Variants in EHD3 observed in about 807,000 individuals in gnomAD.
The protein encoded by EHD3 is EH domain containing 3.
A neutral mutation model predicts 43.0 loss-of-function variants in EHD3; 17 were observed. The observed-to-expected ratio is 0.40, with a 90% confidence interval of 0.27 to 0.59. The LOEUF is 0.59. Among genes scored for constraint, EHD3 ranks in the 20% least tolerant of loss-of-function variants. The pLI is 0.49. For synonymous variants in EHD3, 313 were observed against 289.5 expected, an observed-to-expected ratio of 1.08 and a Z score of -0.82; for missense variants, 594 against 705.6, an observed-to-expected ratio of 0.84 and a Z score of 1.79.
At chr2:31,243,008 G>A (rs1572462992) in intron 1 of EHD3, among the ~76,000 whole-genome samples, 1 of 152,154 alleles carries the variant, frequency 6.6e-6, no homozygotes, top group South Asian at 2.1e-4. Context: ...CAGGCACAAT[G>A]CCTCACACCT....
At chr2:31,251,638 T>G (rs562517024) in intron 3 of EHD3, among the ~76,000 whole-genome samples, 301 of 152,234 alleles carry the variant, frequency 2.0e-3, no homozygotes, top group African/African-American at 6.9e-3. Flanking sequence ...AAGGGGGTCT[T>G]GGAAGACTTG....
At chr2:31,241,132 G>A (rs188555410) in intron 1 of EHD3, among the ~76,000 whole-genome samples, 22 of 152,334 alleles carry the variant, frequency 1.4e-4, no homozygotes, top group African/African-American at 5.1e-4. Context: ...CCCCACAGCT[G>A]ATATTTACAG....
intron 1 of EHD3, among the ~76,000 whole-genome samples, chr2:31,235,406 A>G (rs1683305367): frequency 6.6e-6 from 1 of 151,994 alleles, no homozygotes; most frequent in Non-Finnish European, 1.5e-5. Flanking sequence ...TCCTGTGTAT[A>G]TATCTTGGAG....
chr2:31,260,089 T>C lies in EHD3; in HGVS notation c.503-421T>C, dbSNP rs1683823384. ...GGTGGCGCATGCCTGTAATCCCAGCTACTCGGGAGGCTGAGGCAGGAAAAT... is the reference window on the plus strand; with the variant it reads ...GGTGGCGCATGCCTGTAATCCCAGCCACTCGGGAGGCTGAGGCAGGAAAAT... On this transcript the variant is annotated intron_variant, in intron 3 of 5. Coordinates refer to ENST00000322054, the MANE Select transcript of EHD3 (RefSeq NM_014600.3). The surrounding 1 kb of genome is among the most constrained non-coding windows in gnomAD (Gnocchi z 4.6). Among the ~76,000 whole-genome samples the C allele has an allele frequency of 6.6e-6, 1 of 152,048 alleles. No individual in the cohort carries two copies. Among genetic ancestry groups the C allele is most frequent in the South Asian group, 2.1e-4 (1 of 4,822 alleles).
At chr2:31,263,470 G>A (rs1034443356) in intron 5 of EHD3, among the ~76,000 whole-genome samples, 6 of 152,172 alleles carry the variant, frequency 3.9e-5, no homozygotes, top group Non-Finnish European at 8.8e-5. Flanking sequence ...GGTAATGGGA[G>A]CACCCACCAT....
rs1558652348 is a variant in EHD3, at chr2:31,261,587, G to A, written c.954G>A (p.Met318Ile). Reference protein sequence around the residue: ...AYIISSLKKEMPSVFGKDNKK... With the variant: ...AYIISSLKKEIPSVFGKDNKK... ...TCATCAGCTCTCTGAAGAAGGAGAT[G>A]CCCTCGGTGTTCGGGAAGGACAACA... is the stretch of plus-strand genomic sequence containing the variant. Residue 318 changes from methionine (M) to isoleucine (I), a missense_variant, in exon 5 of 6, where the codon ATG becomes ATA. Coordinates refer to ENST00000322054, the MANE Select transcript of EHD3 (RefSeq NM_014600.3). 1 of 1,614,234 alleles carries A rather than the reference G, an allele frequency of 6.2e-7. No individual in the cohort carries two copies. Among genetic ancestry groups the A allele is most frequent in the East Asian group, 2.2e-5 (1 of 44,886 alleles).
At position 31,260,061 on chromosome 2, in the gene EHD3, C is replaced by T. The variant is rs1683822899; in HGVS notation, c.503-449C>T. Among the ~76,000 whole-genome samples the T allele has an allele frequency of 6.6e-6, 1 of 152,062 alleles. No individual in the cohort carries two copies. The highest frequency in any genetic ancestry group is 2.4e-5 in the African/African-American group (1 of 41,388). On this transcript the variant is annotated intron_variant, in intron 3 of 5. Transcript: ENST00000322054. This position sits in a 1 kb window ranked among gnomAD's most constrained non-coding sequence, Gnocchi z 4.6. The stretch of plus-strand genomic sequence containing the variant: ...ACTAAAAACACAAAAATTAGACGGG[C>T]ATGGTGGCGCATGCCTGTAATCCCA...
intron 1 of EHD3, among the ~76,000 whole-genome samples, chr2:31,243,460 C>CTTTTTTTTTTTTT (rs1309146980): frequency 6.1e-5 from 6 of 98,466 alleles, no homozygotes; most frequent in African/African-American, 2.3e-4. Flanking sequence ...TTCTTTCTTT[C>CTTTTTTTTTTTTT]TTTTTTTTTT....
At position 31,260,986 on chromosome 2, in the gene EHD3, C is replaced by T. The variant is rs1037578245; in HGVS notation, c.915+64C>T. 1.8e-5 allele frequency: 28 copies of T among 1,521,664 alleles called. No homozygotes were observed. Among genetic ancestry groups the T allele is most frequent in the African/African-American group, 1.2e-4 (9 of 72,134 alleles). 94.3% of individuals were successfully genotyped at this position (1,521,664 alleles called of 1,614,324 possible). ...GGCCCAGAGTTTGGGGTCAGCTGCACGAGCTGAGGGTTGCTGCCTCCAACA... is the reference window on the plus strand; with the variant it reads ...GGCCCAGAGTTTGGGGTCAGCTGCATGAGCTGAGGGTTGCTGCCTCCAACA... On this transcript the variant is annotated intron_variant, in intron 4 of 5. Coordinates refer to ENST00000322054, the MANE Select transcript of EHD3 (RefSeq NM_014600.3). The surrounding 1 kb of genome is among the most constrained non-coding windows in gnomAD (Gnocchi z 4.6).
At chr2:31,257,624 G>A (rs1683777085) in intron 3 of EHD3, among the ~76,000 whole-genome samples, 1 of 152,158 alleles carries the variant, frequency 6.6e-6, no homozygotes, top group South Asian at 2.1e-4. Flanking sequence ...GTGTCGTGAG[G>A]GTGACATGAG....
chr2:31,242,479 C>T (rs151084907), intron 1 of EHD3, among the ~76,000 whole-genome samples: 95 of 152,322 alleles, frequency 6.2e-4, no homozygotes, highest in Non-Finnish European at 1.2e-3. Context: ...TATACTATTA[C>T]ATTCGTAATG....
chr2:31,252,711 T>C (rs975209201), intron 3 of EHD3, among the ~76,000 whole-genome samples: 1 of 152,196 alleles, frequency 6.6e-6, no homozygotes, highest in Non-Finnish European at 1.5e-5. Flanking sequence ...CCCCAGTGAC[T>C]GCCTTAAGCA....
chr2:31,258,660 G>A (rs1032024854), intron 3 of EHD3, among the ~76,000 whole-genome samples: 2 of 152,212 alleles, frequency 1.3e-5, no homozygotes, highest in Non-Finnish European at 2.9e-5. Flanking sequence ...GCTGATATTA[G>A]TGTCTAATGA....
chr2:31,243,461 T>C (rs1683460482), intron 1 of EHD3, among the ~76,000 whole-genome samples: 1 of 98,748 alleles, frequency 1.0e-5, no homozygotes, highest in Non-Finnish European at 2.1e-5. Flanking sequence ...TCTTTCTTTC[T>C]TTTTTTTTTT....
At chr2:31,248,409 T>C (rs565755043) in intron 2 of EHD3, among the ~76,000 whole-genome samples, 4 of 152,276 alleles carry the variant, frequency 2.6e-5, no homozygotes, top group Admixed American at 2.0e-4. Flanking sequence ...ATCTGACTTC[T>C]CTCAGGGTGC....
intron 3 of EHD3, among the ~76,000 whole-genome samples, chr2:31,258,515 G>A (rs1683794729): frequency 6.6e-6 from 1 of 152,136 alleles, no homozygotes; most frequent in Non-Finnish European, 1.5e-5. Flanking sequence ...AAGCCAACTC[G>A]GTGCAGTGGT....
chr2:31,256,294 C>A (rs1239616463), intron 3 of EHD3, among the ~76,000 whole-genome samples: 1 of 152,206 alleles, frequency 6.6e-6, no homozygotes, highest in Non-Finnish European at 1.5e-5. Flanking sequence ...AGCAGTTTCA[C>A]CTGCATCCTC....
At position 31,234,827 on chromosome 2, in the gene EHD3, C is replaced by T; in HGVS notation, c.206C>T (p.Thr69Ile). ...PMVLLVGQYS[T>I]GKTTFIRYLL... The stretch of plus-strand genomic sequence containing the variant: ...GTTCTGCTGGTGGGCCAGTACTCCA[C>T]TGGGAAGACCACCTTCATCAGGTGA... Residue 69 changes from threonine to isoleucine, a missense_variant, in exon 1 of 6, where the codon ACT (threonine) becomes ATT (isoleucine). Physicochemically the swap from Thr to Ile is moderately conservative, Grantham distance 89. Coordinates refer to ENST00000322054, the MANE Select transcript of EHD3 (RefSeq NM_014600.3). 1 of 1,614,178 alleles carries T rather than the reference C, an allele frequency of 6.2e-7. No homozygotes were observed. The highest frequency in any genetic ancestry group is 8.5e-7 in the Non-Finnish European group (1 of 1,180,034).
At chr2:31,251,254 C>A (rs1016539240) in intron 3 of EHD3, among the ~76,000 whole-genome samples, 1 of 152,194 alleles carries the variant, frequency 6.6e-6, no homozygotes, top group African/African-American at 2.4e-5. Context: ...GGTGCAGGGC[C>A]AGGCTCGGCT....
Sources: gnomAD v4.1 joint callset for allele counts (sites outside exome capture counted in the v4.1 genomes callset) on GRCh38, gnomAD v4.1.1 for gene constraint, Gnocchi (gnomAD v3.1) non-coding constraint, MANE v1.5 for transcripts, NCBI Gene and HGNC (gene_info 2026-07-23, HGNC 2026-07-21) for gene names.